The following ABHD16A variants were observed in gnomAD, a reference collection of about 807,000 sequenced individuals.
The protein encoded by ABHD16A is abhydrolase domain containing 16A, phospholipase, also known as phosphatidylserine lipase ABHD16A.
In ABHD16A, 47 loss-of-function variants were observed where a neutral mutation model predicts 89.8. The observed-to-expected ratio is 0.52, with a 90% confidence interval of 0.41 to 0.67. The LOEUF (loss-of-function observed/expected upper bound fraction) is 0.67, where lower values mean the gene tolerates loss of function less well. Ranked by LOEUF, ABHD16A falls within the 30% of genes least tolerant of loss-of-function variation. The pLI is 0.00. For missense variants in ABHD16A, 580 were observed against 734.6 expected, an observed-to-expected ratio of 0.79 and a Z score of 2.43; for synonymous variants, 251 against 280.4, an observed-to-expected ratio of 0.90 and a Z score of 1.05.
chr6:31,691,753 T>TGGGGGGGGGGTGGGGGG, intron 8 of ABHD16A, 51 bp downstream of exon 8: 2 of 357,836 alleles, frequency 5.6e-6, no homozygotes, highest in East Asian at 2.5e-4. Context: ...GCGGGGTGGG[T>TGGGGGGGGGGTGGGGGG]GGGGGTGAGA....
At chr6:31,697,143 G>A in intron 4 of ABHD16A, 110 bp from the exon 5 acceptor site, 2 of 991,046 alleles carry the variant, frequency 2.0e-6, no homozygotes, top group Non-Finnish European at 3.1e-6. Flanking sequence ...AAGAAAAAGT[G>A]AAAGAAAAAG....
In ABHD16A at chr6:31,693,070, T is replaced by C. The variant is rs775941669; in HGVS notation, c.583A>G (p.Thr195Ala). The C allele has an allele frequency of 1.2e-6, 2 of 1,613,760 alleles. No homozygotes were observed. The highest frequency in any genetic ancestry group is 2.7e-5 in the African/African-American group (2 of 74,788). Residue 195 changes from threonine (T) to alanine (A), a missense_variant, in exon 7 of 20, where the codon ACC (threonine) becomes GCC (alanine). By Grantham distance (58) the Thr-to-Ala change is moderately conservative (BLOSUM62 0). Transcript: ENST00000395952. The surrounding 1 kb of genome is among the most constrained non-coding windows in gnomAD (Gnocchi z 5.0). ...PEPLHRGTAD[T>A]LLNRVKKLPC... ...AGCTTCTTAACCCGGTTGAGGAGGG[T>C]GTCTGCTGTCCCCCGGTGCAGGGGC...
chr6:31,701,984 G>T, intron 2 of ABHD16A, 90 bp downstream of exon 2: 2 of 1,451,772 alleles, frequency 1.4e-6, no homozygotes, highest in Non-Finnish European at 1.9e-6. Context: ...CAACCCCAGG[G>T]CACTGTTGCT....
rs56061694 is a variant in ABHD16A at position 31,689,292 on chromosome 6, T to G, written c.1082-173A>C. ...GGGAACTATCTGGAGAGGATGGGGA[T>G]AGAACACTGGAGATAGTGCACTGAA... On this transcript the variant is annotated intron_variant, in intron 12 of 19. Coordinates refer to ENST00000395952, the MANE Select transcript of ABHD16A (RefSeq NM_021160.3). 8.5e-3 allele frequency among the ~76,000 whole-genome samples: 1,294 copies of G among 152,240 alleles called. 7 individuals carry two copies. Among genetic ancestry groups the G allele is most frequent in the Middle Eastern group, 0.078 (23 of 294 alleles).
In ABHD16A at chr6:31,702,126, G is replaced by A. The variant is rs551585963; in HGVS notation, c.137C>T (p.Thr46Met). The A allele has an allele frequency of 3.5e-5, 57 of 1,613,092 alleles. No homozygotes were observed. Among genetic ancestry groups the A allele is most frequent in the Non-Finnish European group, 2.2e-5 (26 of 1,180,022 alleles). ...VTAPHSSSWD[T>M]YYQPRALEKH... ...CTCCAGGGCACGGGGCTGATAGTAC[G>A]TATCCTGCCAAAACAGATGGCCTCC... Residue 46 changes from threonine to methionine, a missense_variant, in exon 2 of 20, where the codon ACG becomes ATG. This residue lies in a region of ABHD16A where 165 missense variants were observed against 165.8 expected (regional missense o/e 1.00). Coordinates refer to ENST00000395952, the MANE Select transcript of ABHD16A (RefSeq NM_021160.3).
Position 31,691,609 on chromosome 6 carries a change from C to T in ABHD16A, c.813G>A (p.Arg271=), listed in dbSNP as rs1803882820. The change falls in exon 9 of 20, where the codon CGG becomes CGA. Residue 271 remains arginine, a synonymous_variant. Transcript: ENST00000395952. ...TCTGTCCCTGGGGCTCAGCTGTCCC[C>T]CGCCGGTCCACAAACATGGTGTCAA... ...NEIDTMFVDR[R]GTAEPQGQKL... 1 of 1,613,012 alleles carries T rather than the reference C, an allele frequency of 6.2e-7. No individual in the cohort carries two copies. Among genetic ancestry groups the T allele is most frequent in the Non-Finnish European group, 8.5e-7 (1 of 1,180,010 alleles).
At position 31,702,083 on chromosome 6, in the gene ABHD16A, G is replaced by A; in HGVS notation, c.180C>T (p.Ile60=). Residue 60 remains isoleucine (I), a synonymous_variant, in exon 2 of 20, where the codon ATC becomes ATT. Transcript: ENST00000395952. The part of the protein sequence containing the change: ...PRALEKHADS[I]LALASVFWSI... ...GCCAGGGTAGACATACCAGTGCCAG[G>A]ATGCTGTCAGCATGTTTCTCCAGGG... is the stretch of plus-strand genomic sequence containing the variant. The A allele has an allele frequency of 6.2e-7, 1 of 1,613,096 alleles. No individual in the cohort carries two copies. Among genetic ancestry groups the A allele is most frequent in the Non-Finnish European group, 8.5e-7 (1 of 1,180,026 alleles).
chr6:31,698,061 T>C lies in ABHD16A; in HGVS notation c.344-1028A>G, dbSNP rs1804563977. Among the ~76,000 whole-genome samples, 1 of 152,232 alleles carries C rather than the reference T, an allele frequency of 6.6e-6. No individual in the cohort carries two copies. Among genetic ancestry groups the C allele is most frequent in the Admixed American group, 6.5e-5 (1 of 15,278 alleles). On this transcript the variant is annotated intron_variant, in intron 4 of 19. Coordinates refer to ENST00000395952, the MANE Select transcript of ABHD16A (RefSeq NM_021160.3). The surrounding 1 kb of genome is among the most constrained non-coding windows in gnomAD (Gnocchi z 4.1). ...AGAATGATGTGTGCTGCAGAATGAT[T>C]TGTACAACATTTATGCCAAAAATGT...
chr6:31,702,948 C>T lies in ABHD16A; in HGVS notation c.132+202G>A, dbSNP rs528878567. 46 of 1,292,930 alleles carry T rather than the reference C, an allele frequency of 3.6e-5. No individual in the cohort carries two copies. The South Asian group carries it at 4.3e-4, about 12-fold the overall frequency. 80.1% of individuals were successfully genotyped at this position (1,292,930 alleles called of 1,614,324 possible). On this transcript the variant is annotated intron_variant, in intron 1 of 19. Coordinates refer to ENST00000395952, the MANE Select transcript of ABHD16A (RefSeq NM_021160.3). Reference sequence around the variant, plus strand: ...AAGAGTGGCAGTCGGAATGAGAAAGCGGTAAAGAGCGAAAAAGAAAGGAGG... The same window carrying T: ...AAGAGTGGCAGTCGGAATGAGAAAGTGGTAAAGAGCGAAAAAGAAAGGAGG...
chr6:31,694,466 C>T (rs1420996350), intron 5 of ABHD16A, among the ~76,000 whole-genome samples: 2 of 144,844 alleles, frequency 1.4e-5, no homozygotes, highest in Non-Finnish European at 3.0e-5. Flanking sequence ...TCTCGGATCA[C>T]TGCAAGCTCT....
rs780015445 is a variant in ABHD16A at position 31,691,892 on chromosome 6, C to A, written c.653G>T (p.Arg218Leu). 5 of 1,610,170 alleles carry A rather than the reference C, an allele frequency of 3.1e-6. No homozygotes were observed. Among genetic ancestry groups the A allele is most frequent in the Non-Finnish European group, 4.2e-6 (5 of 1,179,240 alleles). Reference protein sequence around the residue: ...TSYLVAHTLGRRMLYPGSVYL... With the variant: ...TSYLVAHTLGLRMLYPGSVYL... ...CACAGAGCCTGGATACAGCATCCGGCGCCCTAGGGTGTGCGCCACCAGGTA... is the reference window on the plus strand; with the variant it reads ...CACAGAGCCTGGATACAGCATCCGGAGCCCTAGGGTGTGCGCCACCAGGTA... Residue 218 changes from arginine to leucine, a missense_variant, in exon 8 of 20, where the codon CGC (arginine) becomes CTC (leucine). Around this residue, in one of 2 missense-constraint regions of ABHD16A, gnomAD observed 415 missense variants for 568.8 expected, o/e 0.73. Coordinates refer to ENST00000395952, the MANE Select transcript of ABHD16A (RefSeq NM_021160.3).
intron 9 of ABHD16A, 115 bp downstream of exon 9, chr6:31,691,464 A>C: frequency 1.2e-6 from 1 of 862,826 alleles, no homozygotes; most frequent in Non-Finnish European, 1.8e-6. Context: ...GAGCTAGGAC[A>C]TGAGATTATC....
In ABHD16A at chr6:31,693,408, C is replaced by T; in HGVS notation, c.454G>A (p.Asp152Asn). The change falls in exon 6 of 20, where the codon GAC (aspartate) becomes AAC (asparagine). Residue 152 changes from aspartate to asparagine, a missense_variant. Around this residue, in one of 2 missense-constraint regions of ABHD16A, gnomAD observed 415 missense variants for 568.8 expected, o/e 0.73. Transcript: ENST00000395952. The surrounding 1 kb of genome is among the most constrained non-coding windows in gnomAD (Gnocchi z 5.0). Reference protein sequence around the residue: ...NKRQLANYNFDFRSWPVDFHW... With the variant: ...NKRQLANYNFNFRSWPVDFHW... ...AAGTCGACTGGCCAGCTCCGGAAGT[C>T]AAAGTTGTAGTTGGCAAGCTGCCTC... The T allele has an allele frequency of 6.2e-7, 1 of 1,613,034 alleles. No individual in the cohort carries two copies. The highest frequency in any genetic ancestry group is 8.5e-7 in the Non-Finnish European group (1 of 1,180,030).
intron 1 of ABHD16A, 97 bp downstream of exon 1, chr6:31,703,053 C>G: frequency 7.3e-7 from 1 of 1,370,876 alleles, no homozygotes. Context: ...GACAAGCAGG[C>G]TCCCCTTATT....
rs745784008 is a variant in ABHD16A, at chr6:31,691,695, C to T, written c.742-15G>A. 9 of 1,601,832 alleles carry T rather than the reference C, an allele frequency of 5.6e-6. No homozygotes were observed. The highest frequency in any genetic ancestry group is 3.3e-5 in the South Asian group (3 of 90,744). On this transcript the variant is annotated splice_polypyrimidine_tract_variant and intron_variant, in intron 8 of 19. Transcript: ENST00000395952. ...CGCCCATTACACTGAGTACGGAAGA[C>T]GCAATGGCCAAGATGCAAGGGTCAG...
rs1212540184 is a variant in ABHD16A at position 31,695,926 on chromosome 6, G to A, written c.429+1022C>T. On this transcript the variant is annotated intron_variant, in intron 5 of 19. Transcript: ENST00000395952. ...CACGCCTGTAATCCCAGCACTTTGG[G>A]AGGCCGAGGCAGGCGGATCACAAGG... is the stretch of plus-strand genomic sequence containing the variant. 2.0e-5 allele frequency among the ~76,000 whole-genome samples: 3 copies of A among 152,076 alleles called. No individual in the cohort carries two copies. In the East Asian group the frequency reaches 5.8e-4, roughly 29 times the overall value.
At position 31,694,484 on chromosome 6, in the gene ABHD16A, G is replaced by A. The variant is rs192186171; in HGVS notation, c.430-1052C>T. Among the ~76,000 whole-genome samples, 456 of 145,602 alleles carry A rather than the reference G, an allele frequency of 3.1e-3. 1 individual carries two copies. The highest frequency in any genetic ancestry group is 0.011 in the African/African-American group (422 of 38,692). ...CGGATCACTGCAAGCTCTGCCTCCC[G>A]GCTTCACGCCATTCTCCCGCCTCAG... On this transcript the variant is annotated intron_variant, in intron 5 of 19. Transcript: ENST00000395952.
In ABHD16A at chr6:31,688,352, G is replaced by C; in HGVS notation, c.1251-47C>G. 1 of 1,583,992 alleles carries C rather than the reference G, an allele frequency of 6.3e-7. No individual in the cohort carries two copies. The highest frequency in any genetic ancestry group is 1.7e-5 in the Admixed American group (1 of 59,904). On this transcript the variant is annotated intron_variant, in intron 14 of 19. Transcript: ENST00000395952. The surrounding 1 kb of genome is among the most constrained non-coding windows in gnomAD (Gnocchi z 4.9). ...GAAGGGAGAGCTCAGAGGGAGACGGGTGACAACTGGCCCACCCCTATCCCT... is the reference window on the plus strand; with the variant it reads ...GAAGGGAGAGCTCAGAGGGAGACGGCTGACAACTGGCCCACCCCTATCCCT...
In ABHD16A at chr6:31,690,556, A is replaced by AC; in HGVS notation, c.889dup (p.Val297GlyfsTer31). 6.2e-7 allele frequency: 1 copy of AC among 1,612,918 alleles called. No individual in the cohort carries two copies. Among genetic ancestry groups the AC allele is most frequent in the South Asian group, 1.1e-5 (1 of 91,080 alleles). ...CGTCCTACCTTCCAGGGGCGTGGAG[A>AC]CGCAGCCCACCTCATAAAACCCAGC... On this transcript the variant is annotated frameshift_variant, in exon 10 of 20. Coordinates refer to ENST00000395952, the MANE Select transcript of ABHD16A (RefSeq NM_021160.3). LOFTEE classifies it high-confidence loss of function. The surrounding 1 kb of genome is among the most constrained non-coding windows in gnomAD (Gnocchi z 4.1).
Sources: allele counts gnomAD v4.1 joint callset (sites outside exome capture counted in the v4.1 genomes callset), GRCh38; gene constraint gnomAD v4.1.1; regional missense constraint gnomAD v4.1.1; non-coding constraint Gnocchi (gnomAD v3.1); transcripts MANE v1.5; gene names NCBI Gene and HGNC (gene_info 2026-07-23, HGNC 2026-07-21).